WDR43: variants seen among roughly 807,000 people sequenced by gnomAD.
WDR43 encodes the protein WD repeat domain 43.
A neutral mutation model predicts 91.4 loss-of-function variants in WDR43; 13 were observed. The ratio of observed to expected loss-of-function variants is 0.14; its 90% confidence interval spans 0.09 to 0.23. The LOEUF (loss-of-function observed/expected upper bound fraction) is 0.23, where lower values mean the gene tolerates loss of function less well. Ranked by LOEUF, WDR43 falls within the 10% of genes least tolerant of loss-of-function variation. The pLI, the probability that WDR43 is intolerant of heterozygous loss-of-function variation, is 1.00. For synonymous variants in WDR43, 331 were observed against 287.9 expected, an observed-to-expected ratio of 1.15 and a Z score of -1.51; for missense variants, 780 against 809.4, an observed-to-expected ratio of 0.96 and a Z score of 0.44.
chr2:28,947,631 T>C lies in WDR43; in HGVS notation c.*852T>C, dbSNP rs896488586. 4.6e-5 allele frequency: 7 copies of C among 152,056 alleles called. No homozygotes were observed. Among genetic ancestry groups the C allele is most frequent in the Middle Eastern group, 3.2e-3 (1 of 316 alleles). The allele number at this position is 152,056 out of a possible 1,614,324, so 9.4% of individuals were successfully genotyped here. On this transcript the variant is annotated 3_prime_UTR_variant, in exon 18 of 18. Transcript: ENST00000407426. The stretch of plus-strand genomic sequence containing the variant: ...TTACTAATGGATCAAAGAACAATTG[T>C]TTATTTTTTCTCTTTGGTTTTAGAT...
intron 6 of WDR43, 22 bp from the exon 7 acceptor site, chr2:28,922,897 G>GCC: frequency 6.3e-7 from 1 of 1,596,162 alleles, no homozygotes; most frequent in African/African-American, 1.4e-5. Context: ...ATTATAATAC[G>GCC]TTGGTTACAT....
intron 4 of WDR43, among the ~76,000 whole-genome samples, 158 bp downstream of exon 4, chr2:28,912,868 T>A (rs761528669): frequency 6.6e-6 from 1 of 152,182 alleles, no homozygotes; most frequent in Admixed American, 6.5e-5. Context: ...CTAATCTGAT[T>A]TGTTGATGTT....
intron 11 of WDR43, among the ~76,000 whole-genome samples, chr2:28,934,520 A>G (rs867847547): frequency 6.6e-6 from 1 of 152,220 alleles, no homozygotes; most frequent in East Asian, 1.9e-4. Context: ...GTTTCTTTAC[A>G]TACATCCTTG....
intron 16 of WDR43, 100 bp downstream of exon 16, chr2:28,942,481 C>T: frequency 7.8e-7 from 1 of 1,286,360 alleles, no homozygotes; most frequent in Non-Finnish European, 1.1e-6. Flanking sequence ...TAAGATCTTC[C>T]TTTGGCAAGC....
intron 5 of WDR43, 29 bp from the exon 6 acceptor site, chr2:28,917,864 C>A: frequency 6.5e-7 from 1 of 1,544,514 alleles, no homozygotes; most frequent in Non-Finnish European, 8.8e-7. Flanking sequence ...ATCTGTCTTG[C>A]TATCTAACTT....
intron 5 of WDR43, among the ~76,000 whole-genome samples, chr2:28,915,642 G>A (rs1015781020): frequency 5.9e-5 from 9 of 152,252 alleles, no homozygotes; most frequent in African/African-American, 2.2e-4. Context: ...CCAATGAGCT[G>A]TGTAAATTTG....
intron 3 of WDR43, among the ~76,000 whole-genome samples, chr2:28,907,894 A>G (rs952020358): frequency 9.4e-6 from 1 of 106,760 alleles, no homozygotes; most frequent in African/African-American, 3.1e-5. Context: ...ACAGAGCGAG[A>G]CTCCGTCTCA....
chr2:28,927,006 A>T, intron 9 of WDR43: 2 of 510,774 alleles, frequency 3.9e-6, no homozygotes, highest in Admixed American at 3.9e-5. Context: ...TTTGCATATA[A>T]CTTGGTGTCT....
At chr2:28,912,514 T>G in intron 3 of WDR43, 76 bp from the exon 4 acceptor site, 1 of 1,538,452 alleles carries the variant, frequency 6.5e-7, no homozygotes, top group Non-Finnish European at 8.8e-7. Flanking sequence ...GTTCAGTTTG[T>G]TTTTTTGTTA....
intron 2 of WDR43, among the ~76,000 whole-genome samples, chr2:28,902,354 A>T (rs1445915326): frequency 6.6e-6 from 1 of 152,236 alleles, no homozygotes; most frequent in Non-Finnish European, 1.5e-5. Flanking sequence ...TAGGTTTAAA[A>T]TAAGGAAGGG....
Position 28,946,107 on chromosome 2 carries a change from G to A in WDR43, c.1805-343G>A, listed in dbSNP as rs536389727. On this transcript the variant is annotated intron_variant, in intron 16 of 17. Transcript: ENST00000407426. ...TCCCAGCACTTTGGGAGGCAGACGT[G>A]AGCGGATCCTTTGAGTCCAGGAGTT... Among the ~76,000 whole-genome samples, 572 of 152,230 alleles carry A rather than the reference G, an allele frequency of 3.8e-3. 2 individuals are homozygous for A. The highest frequency in any genetic ancestry group is 6.0e-3 in the Non-Finnish European group (408 of 68,006).
At chr2:28,905,721 A>G (rs970891854) in intron 2 of WDR43, among the ~76,000 whole-genome samples, 3 of 149,176 alleles carry the variant, frequency 2.0e-5, no homozygotes, top group South Asian at 4.2e-4. Flanking sequence ...GCTGGAGGCA[A>G]TGGCGCAATC....
At chr2:28,913,120 A>G (rs1670840192) in intron 4 of WDR43, among the ~76,000 whole-genome samples, 2 of 151,810 alleles carry the variant, frequency 1.3e-5, no homozygotes, top group Admixed American at 6.6e-5. Context: ...CGCGTGGCTA[A>G]TTTTTTGTAT....
chr2:28,944,872 G>T, intron 16 of WDR43, among the ~76,000 whole-genome samples: 1 of 152,252 alleles, frequency 6.6e-6, no homozygotes, highest in Non-Finnish European at 1.5e-5. Context: ...GGCGGAGCCA[G>T]ATAGCACGGC....
chr2:28,942,703 CTCCTGGGCTCAATGCAATCT>C (rs1444851863), intron 16 of WDR43, among the ~76,000 whole-genome samples: 1 of 151,334 alleles, frequency 6.6e-6, no homozygotes, highest in Non-Finnish European at 1.5e-5. Flanking sequence ...CAGCCTCAAC[CTCCTGGGCTCAATGCAATCT>C]TCCTGTCTCA....
At position 28,937,422 on chromosome 2, in the gene WDR43, A is replaced by ATT. The variant is rs150915832; in HGVS notation, c.1556+476_1556+477dup. Among the ~76,000 whole-genome samples the ATT allele has an allele frequency of 3.1e-4, 47 of 151,684 alleles. No individual in the cohort carries two copies. In the South Asian group the frequency reaches 8.6e-3, roughly 28 times the overall value. ...TAAAATATGTAGTTTTTCTTTAAAA[A>ATT]TTTTTTTTCTCGTGGGGTGCATTAG... is the stretch of plus-strand genomic sequence containing the variant. On this transcript the variant is annotated intron_variant, in intron 13 of 17. Coordinates refer to ENST00000407426, the MANE Select transcript of WDR43 (RefSeq NM_015131.3).
intron 3 of WDR43, among the ~76,000 whole-genome samples, chr2:28,908,581 G>A (rs1460091241): frequency 1.4e-5 from 2 of 147,828 alleles, no homozygotes; most frequent in African/African-American, 5.0e-5. Flanking sequence ...GCGTTTTATT[G>A]TATGTAATCA....
intron 4 of WDR43, chr2:28,913,698 C>G (rs1346008327): frequency 1.9e-6 from 1 of 525,322 alleles, no homozygotes; most frequent in Non-Finnish European, 3.8e-6. Flanking sequence ...GTGGTTTCGA[C>G]TCACTGAGAG....
chr2:28,939,175 G>A (rs1021603772), intron 14 of WDR43, among the ~76,000 whole-genome samples: 2 of 151,736 alleles, frequency 1.3e-5, no homozygotes, highest in African/African-American at 4.8e-5. Context: ...AGTTTTGGGA[G>A]GTGACTTGGG....
Sources: gnomAD v4.1 joint callset for allele counts (sites outside exome capture counted in the v4.1 genomes callset) on GRCh38, gnomAD v4.1.1 for gene constraint, MANE v1.5 for transcripts, NCBI Gene and HGNC (gene_info 2026-07-23, HGNC 2026-07-21) for gene names.